Variants in DDR2 observed in about 807,000 individuals in gnomAD.
DDR2 encodes discoidin domain receptor tyrosine kinase 2, also known as discoidin domain-containing receptor 2.
A neutral mutation model predicts 94.9 loss-of-function variants in DDR2; 27 were observed. The observed-to-expected ratio is 0.28, with a 90% CI of 0.21 to 0.39. DDR2 has a LOEUF of 0.39. Among genes scored for constraint, DDR2 ranks in the 10% least tolerant of loss-of-function variants. The pLI is 1.00. For synonymous variants in DDR2, 382 were observed against 377.2 expected (o/e 1.01, Z -0.15); for missense variants, 783 against 1,076.0 (o/e 0.73, Z 3.81).
At chr1:162,683,430 CA>C (rs1254797072) in intron 2 of DDR2, among the ~76,000 whole-genome samples, 1 of 152,026 alleles carries the variant, frequency 6.6e-6, no homozygotes, top group African/African-American at 2.4e-5. Flanking sequence ...AACACATTTA[CA>C]AAAAACTCTC....
chr1:162,778,477 G>T (rs1647712481), intron 16 of DDR2, 103 bp from the exon 17 acceptor site: 1 of 1,410,432 alleles, frequency 7.1e-7, no homozygotes. Context: ...AGAATTCCTT[G>T]CCTGTGGTGG....
chr1:162,643,855 A>G (rs774858732), intron 1 of DDR2, among the ~76,000 whole-genome samples: 2 of 152,170 alleles, frequency 1.3e-5, no homozygotes, highest in Non-Finnish European at 2.9e-5. Context: ...CTAAGCCCTC[A>G]TTGGGGTTGG....
At chr1:162,685,154 A>G (rs1659627130) in intron 2 of DDR2, among the ~76,000 whole-genome samples, 1 of 152,168 alleles carries the variant, frequency 6.6e-6, no homozygotes, top group Non-Finnish European at 1.5e-5. Flanking sequence ...TATGATTGGA[A>G]TAATTATATA....
intron 2 of DDR2, among the ~76,000 whole-genome samples, chr1:162,673,302 T>C (rs1658960009): frequency 6.6e-6 from 1 of 152,096 alleles, no homozygotes; most frequent in Non-Finnish European, 1.5e-5. Flanking sequence ...ATATTCCCCA[T>C]AAACTGTGTT....
At position 162,658,306 on chromosome 1, in the gene DDR2, A is replaced by G. The variant is rs375477883; in HGVS notation, c.-28+2932A>G. 6.6e-5 allele frequency among the ~76,000 whole-genome samples: 10 copies of G among 152,234 alleles called. No homozygotes were observed. In the South Asian group the frequency reaches 2.1e-3, roughly 32 times the overall value. On this transcript the variant is annotated intron_variant, in intron 2 of 17. Transcript: ENST00000367921. ...AGGATGGCGGTCTGGCTGTGACAGG[A>G]ACACACCTGGAAATGTCTGCTTGTC...
chr1:162,695,677 G>A (rs1349823100), intron 2 of DDR2, among the ~76,000 whole-genome samples: 2 of 152,018 alleles, frequency 1.3e-5, no homozygotes, highest in African/African-American at 2.4e-5. Flanking sequence ...CTTTCAAATG[G>A]GCTTTTAAAA....
At chr1:162,778,782 A>G (rs2102207713) in intron 17 of DDR2, 53 bp downstream of exon 17, 2 of 1,612,160 alleles carry the variant, frequency 1.2e-6, no homozygotes, top group Non-Finnish European at 1.7e-6. Context: ...TGAAGGATGG[A>G]GAATGGCAAG....
intron 2 of DDR2, among the ~76,000 whole-genome samples, chr1:162,657,671 G>C (rs1009373560): frequency 3.9e-5 from 6 of 152,114 alleles, no homozygotes; most frequent in African/African-American, 9.7e-5. Flanking sequence ...ACAAGCTGTG[G>C]GGGGCCTGTC....
chr1:162,781,727 A>T lies in DDR2; in HGVS notation c.*1481A>T, dbSNP rs764238371. ...GGAAACAGAGCCACTGTCAAGAAGG[A>T]ATCTGCTCAGAGCAGATTCTGAGTT... On this transcript the variant is annotated 3_prime_UTR_variant, in exon 18 of 18. Transcript: ENST00000367921. The T allele has an allele frequency of 6.6e-6, 1 of 152,168 alleles. No individual in the cohort carries two copies. Among genetic ancestry groups the T allele is most frequent in the Non-Finnish European group, 1.5e-5 (1 of 68,030 alleles). 9.4% of individuals were successfully genotyped at this position (152,168 alleles called of 1,614,324 possible). A position where few individuals can be genotyped will look rare whatever the true frequency, so the allele number is the denominator to read the frequency against.
intron 3 of DDR2, among the ~76,000 whole-genome samples, chr1:162,724,586 T>C (rs1216276908): frequency 6.6e-6 from 1 of 152,210 alleles, no homozygotes; most frequent in Non-Finnish European, 1.5e-5. Context: ...TTAATTCACC[T>C]ACACATATTT....
chr1:162,653,040 G>A (rs539275533), intron 1 of DDR2, among the ~76,000 whole-genome samples: 10 of 152,184 alleles, frequency 6.6e-5, no homozygotes, highest in Admixed American at 6.5e-4. Flanking sequence ...AAGAGGTGGA[G>A]GTTGCAGTGA....
intron 2 of DDR2, among the ~76,000 whole-genome samples, chr1:162,677,625 C>G (rs1255728125): frequency 6.6e-6 from 1 of 152,172 alleles, no homozygotes; most frequent in Non-Finnish European, 1.5e-5. Flanking sequence ...TTTCTACATT[C>G]CCCAGGTTGA....
intron 1 of DDR2, among the ~76,000 whole-genome samples, chr1:162,642,982 T>C (rs1237790360): frequency 2.0e-5 from 3 of 152,198 alleles, no homozygotes; most frequent in Non-Finnish European, 4.4e-5. Flanking sequence ...CAAGCTAGGA[T>C]GTAAATTCTA....
intron 1 of DDR2, among the ~76,000 whole-genome samples, chr1:162,651,364 T>A (rs1473242565): frequency 6.6e-6 from 1 of 152,242 alleles, no homozygotes; most frequent in African/African-American, 2.4e-5. Flanking sequence ...CCATTCAAAT[T>A]GTTCCCTTTT....
At chr1:162,682,155 T>TG (rs534849065) in intron 2 of DDR2, among the ~76,000 whole-genome samples, 2 of 151,778 alleles carry the variant, frequency 1.3e-5, no homozygotes, top group Non-Finnish European at 2.9e-5. Flanking sequence ...GAGTGGAGGG[T>TG]GGGGGTCCAT....
intron 1 of DDR2, among the ~76,000 whole-genome samples, chr1:162,648,143 A>G (rs1306204306): frequency 6.6e-6 from 1 of 152,100 alleles, no homozygotes; most frequent in East Asian, 1.9e-4. Flanking sequence ...TTCAGTTAGA[A>G]AATTCCGGGA....
chr1:162,702,052 C>T (rs1158338222), intron 2 of DDR2, among the ~76,000 whole-genome samples: 1 of 152,164 alleles, frequency 6.6e-6, no homozygotes, highest in Admixed American at 6.5e-5. Flanking sequence ...GCTTTCTAGT[C>T]ACAAAGCCCA....
intron 1 of DDR2, among the ~76,000 whole-genome samples, chr1:162,638,145 T>C (rs1033025745): frequency 2.0e-5 from 3 of 152,100 alleles, no homozygotes; most frequent in Non-Finnish European, 4.4e-5. Flanking sequence ...CTCAGCCTCC[T>C]GAGTAGCTGG....
intron 2 of DDR2, among the ~76,000 whole-genome samples, chr1:162,709,126 A>G (rs974600348): frequency 2.0e-5 from 3 of 152,190 alleles, no homozygotes; most frequent in Non-Finnish European, 4.4e-5. Context: ...GCCCAGGTGC[A>G]TGACACTGGT....
Sources: allele counts gnomAD v4.1 joint callset (sites outside exome capture counted in the v4.1 genomes callset), GRCh38; gene constraint gnomAD v4.1.1; transcripts MANE v1.5; gene names NCBI Gene and HGNC (gene_info 2026-07-23, HGNC 2026-07-21).